The following SFXN3 variants were observed in gnomAD, a reference collection of about 807,000 sequenced individuals.
SFXN3 encodes the protein sideroflexin 3.
In SFXN3, 31 loss-of-function variants were observed where a neutral mutation model predicts 40.4. The ratio of observed to expected loss-of-function variants is 0.77; its 90% CI spans 0.58 to 1.04. The LOEUF (loss-of-function observed/expected upper bound fraction) is 1.04, where lower values mean the gene tolerates loss of function less well. Ranked by LOEUF, SFXN3 falls within the 50% of genes least tolerant of loss-of-function variation. The pLI, the probability that SFXN3 is intolerant of heterozygous loss-of-function variation, is 0.00. For synonymous variants in SFXN3, 157 were observed against 160.0 expected, an observed-to-expected ratio of 0.98 and a Z score of 0.14; for missense variants, 366 against 408.2, an observed-to-expected ratio of 0.90 and a Z score of 0.89.
intron 10 of SFXN3, 86 bp downstream of exon 10, chr10:101,038,778 T>C (rs1481334356): frequency 1.3e-6 from 2 of 1,583,010 alleles, no homozygotes; most frequent in Non-Finnish European, 1.7e-6. Flanking sequence ...TTTAAGATGT[T>C]TATAGACATC....
intron 3 of SFXN3, 40 bp downstream of exon 3, chr10:101,034,895 A>G: frequency 6.3e-7 from 1 of 1,593,840 alleles, no homozygotes. Context: ...CCAGGATCTC[A>G]TTTTCTGTGA....
rs74154272 is a variant in SFXN3, at chr10:101,036,260, T to A, written c.431+159T>A. ...CCCACCCCGAATTACCCTGCCTAAC[T>A]GAAGGCATGAGGTCCTCTTATGTAT... On this transcript the variant is annotated intron_variant, in intron 5 of 11. Transcript: ENST00000393459. This position sits in a 1 kb window ranked among gnomAD's most constrained non-coding sequence, Gnocchi z 4.2. Among the ~76,000 whole-genome samples the A allele has an allele frequency of 6.6e-4, 100 of 152,316 alleles. No individual in the cohort carries two copies. Among genetic ancestry groups the A allele is most frequent in the Middle Eastern group, 3.4e-3 (1 of 294 alleles).
chr10:101,038,954 G>T (rs1394008206), intron 10 of SFXN3, among the ~76,000 whole-genome samples: 2 of 152,130 alleles, frequency 1.3e-5, no homozygotes, highest in African/African-American at 4.8e-5. Flanking sequence ...CCATCCAGGA[G>T]ATTCATGCCC....
intron 2 of SFXN3, among the ~76,000 whole-genome samples, chr10:101,033,548 C>G (rs1230930221): frequency 6.6e-6 from 1 of 152,114 alleles, no homozygotes; most frequent in African/African-American, 2.4e-5. Flanking sequence ...GGGTGGCCTG[C>G]CCCTCCACAC....
chr10:101,040,288 C>T (rs1439976155), exon 12 of SFXN3: 1 of 152,520 alleles, frequency 6.6e-6, no homozygotes, highest in Non-Finnish European at 1.5e-5. Context: ...TCCCCCACCA[C>T]CCTACTTGAC....
chr10:101,032,416 G>A (rs1322706796), exon 2 of SFXN3: 18 of 1,497,012 alleles, frequency 1.2e-5, no homozygotes, highest in African/African-American at 1.4e-5. Context: ...TGGCTGGGAG[G>A]GCCCGGCGGC....
At position 101,035,494 on chromosome 10, in the gene SFXN3, CA is replaced by C. The variant is rs780843315; in HGVS notation, c.162-2del. On this transcript the variant is annotated splice_acceptor_variant, in intron 3 of 11. Transcript: ENST00000393459. LOFTEE classifies it high-confidence loss of function. ...CCTGTCTGCTCCTTGCCAACTTCTGCAGGGCCGGCGTGGTGACCCCAGGGAT... is the reference window on the plus strand; with the variant it reads ...CCTGTCTGCTCCTTGCCAACTTCTGCGGGCCGGCGTGGTGACCCCAGGGAT... 6.3e-7 allele frequency: 1 copy of C among 1,597,600 alleles called. No homozygotes were observed. Among genetic ancestry groups the C allele is most frequent in the Admixed American group, 1.7e-5 (1 of 58,858 alleles).
Position 101,034,867 on chromosome 10 carries a change from T to A in SFXN3, c.161+12T>A. The A allele has an allele frequency of 6.2e-7, 1 of 1,611,056 alleles. No homozygotes were observed. The highest frequency in any genetic ancestry group is 1.3e-5 in the African/African-American group (1 of 74,900). ...GTGCAGAACTACAGGTGACCACCCC[T>A]CAATCTGACCCTGTGTGCCAGGATC... On this transcript the variant is annotated intron_variant, in intron 3 of 11. Transcript: ENST00000393459.
intron 2 of SFXN3, 23 bp downstream of exon 2, chr10:101,032,505 G>A (rs1304715453): frequency 1.3e-6 from 2 of 1,533,254 alleles, no homozygotes; most frequent in Non-Finnish European, 1.8e-6. Flanking sequence ...TCTCCCCGGC[G>A]GGCGGGGTTC....
exon 1 of SFXN3, chr10:101,031,272 G>T (rs1214145879): frequency 1.3e-5 from 2 of 152,376 alleles, no homozygotes; most frequent in African/African-American, 4.8e-5. Flanking sequence ...ACAGCCGAGC[G>T]TTACCTGGTC....
chr10:101,034,638 C>A, intron 2 of SFXN3, 54 bp from the exon 3 acceptor site: 2 of 1,588,874 alleles, frequency 1.3e-6, no homozygotes, highest in South Asian at 2.3e-5. Flanking sequence ...TTTCCCCTAG[C>A]TGGAGCCCTT....
At chr10:101,038,300 G>A (rs1938717139) in intron 9 of SFXN3, 3 of 1,241,666 alleles carry the variant, frequency 2.4e-6, no homozygotes, top group East Asian at 7.8e-5. Flanking sequence ...ATGCCACTGG[G>A]ATGGGAAGAG....
At position 101,036,407 on chromosome 10, in the gene SFXN3, G is replaced by A; in HGVS notation, c.432-79G>A. On this transcript the variant is annotated intron_variant, in intron 5 of 11. Transcript: ENST00000393459. The surrounding 1 kb of genome is among the most constrained non-coding windows in gnomAD (Gnocchi z 4.2). ...CCCCTTTTATGCCTCATGTATTGAGGACTTGGCATATCCCTAAAGGAAAGG... is the reference window on the plus strand; with the variant it reads ...CCCCTTTTATGCCTCATGTATTGAGAACTTGGCATATCCCTAAAGGAAAGG... 4.4e-6 allele frequency: 6 copies of A among 1,355,972 alleles called. No individual in the cohort carries two copies. The South Asian group carries it at 7.1e-5, about 16-fold the overall frequency. The allele number at this position is 1,355,972 out of a possible 1,614,324, so 84.0% of individuals were successfully genotyped here. A position where few individuals can be genotyped will look rare whatever the true frequency, so the allele number is the denominator to read the frequency against.
Position 101,036,406 on chromosome 10 carries a change from G to C in SFXN3, c.432-80G>C. 1 of 1,348,038 alleles carries C rather than the reference G, an allele frequency of 7.4e-7. No individual in the cohort carries two copies. Among genetic ancestry groups the C allele is most frequent in the Non-Finnish European group, 1.1e-6 (1 of 942,900 alleles). 83.5% of individuals were successfully genotyped at this position (1,348,038 alleles called of 1,614,324 possible). A position where few individuals can be genotyped will look rare whatever the true frequency, so the allele number is the denominator to read the frequency against. On this transcript the variant is annotated intron_variant, in intron 5 of 11. Transcript: ENST00000393459. The surrounding 1 kb of genome is among the most constrained non-coding windows in gnomAD (Gnocchi z 4.2). ...TCCCCTTTTATGCCTCATGTATTGA[G>C]GACTTGGCATATCCCTAAAGGAAAG...
At position 101,036,242 on chromosome 10, in the gene SFXN3, C is replaced by A; in HGVS notation, c.431+141C>A. On this transcript the variant is annotated intron_variant, in intron 5 of 11. Coordinates refer to ENST00000393459, the Ensembl canonical transcript of SFXN3. The surrounding 1 kb of genome is among the most constrained non-coding windows in gnomAD (Gnocchi z 4.2). ...GCCCTCTCCTCAGCCTGCCCCACCCCGAATTACCCTGCCTAACTGAAGGCA... is the reference window on the plus strand; with the variant it reads ...GCCCTCTCCTCAGCCTGCCCCACCCAGAATTACCCTGCCTAACTGAAGGCA... The A allele has an allele frequency of 2.5e-6, 2 of 791,022 alleles. No homozygotes were observed. The highest frequency in any genetic ancestry group is 4.2e-6 in the Non-Finnish European group (2 of 479,956). The allele number at this position is 791,022 out of a possible 1,614,324, so 49.0% of individuals were successfully genotyped here.
chr10:101,034,995 T>C (rs1162347916), intron 3 of SFXN3, 140 bp downstream of exon 3: 1 of 1,166,332 alleles, frequency 8.6e-7, no homozygotes, highest in Non-Finnish European at 1.2e-6. Flanking sequence ...TCTGTTGGCA[T>C]CACAGAGCTT....
rs1938737601 is a variant in SFXN3 at position 101,038,638 on chromosome 10, C to T, written c.772-5C>T. On this transcript the variant is annotated splice_region_variant and splice_polypyrimidine_tract_variant and intron_variant, in intron 9 of 11. Transcript: ENST00000393459. ...CCGTTCCATTGTCTTTCTGTCTCTC[C>T]ACAGCGCCGCCCCTGGCTGGGGGCA... The T allele has an allele frequency of 1.2e-6, 2 of 1,613,820 alleles. No homozygotes were observed. Among genetic ancestry groups the T allele is most frequent in the Non-Finnish European group, 1.7e-6 (2 of 1,180,014 alleles).
intron 9 of SFXN3, 22 bp from the exon 10 acceptor site, chr10:101,038,621 T>C (rs1564650333): frequency 1.9e-6 from 3 of 1,613,740 alleles, no homozygotes; most frequent in African/African-American, 1.3e-5. Context: ...AGCCGTTCCA[T>C]TGTCTTTCTG....
exon 12 of SFXN3, chr10:101,041,180 A>G (rs1221011340): frequency 6.6e-6 from 1 of 152,142 alleles, no homozygotes; most frequent in Non-Finnish European, 1.5e-5. Flanking sequence ...CCCCCTATCA[A>G]CCGCCCCCAG....
Sources: gnomAD v4.1 joint callset for allele counts (sites outside exome capture counted in the v4.1 genomes callset) on GRCh38, gnomAD v4.1.1 for gene constraint, Gnocchi (gnomAD v3.1) non-coding constraint, MANE v1.5 for transcripts, NCBI Gene and HGNC (gene_info 2026-07-23, HGNC 2026-07-21) for gene names.